Variants in CACNA2D1 observed in about 807,000 individuals in gnomAD.
CACNA2D1 encodes voltage-dependent calcium channel subunit alpha-2/delta-1.
Under a neutral mutation model 171.5 loss-of-function variants are expected in CACNA2D1, and 53 were observed. The observed-to-expected ratio is 0.31, with a 90% CI of 0.25 to 0.39. The LOEUF is 0.39. Among genes scored for constraint, CACNA2D1 ranks in the 10% least tolerant of loss-of-function variants. CACNA2D1 has a pLI of 1.00. For missense variants in CACNA2D1, 903 were observed against 1,299.8 expected, an observed-to-expected ratio of 0.69 and a Z score of 4.69; for synonymous variants, 442 against 443.1, an observed-to-expected ratio of 1.00 and a Z score of 0.03.
intron 2 of CACNA2D1, among the ~76,000 whole-genome samples, chr7:82,339,750 T>C (rs1818394772): frequency 6.6e-6 from 1 of 152,212 alleles, no homozygotes; most frequent in Admixed American, 6.5e-5. Context: ...TCAGATCTAC[T>C]GAGCAATAGA....
chr7:82,263,666 G>A (rs887587197), intron 3 of CACNA2D1, among the ~76,000 whole-genome samples: 5 of 152,218 alleles, frequency 3.3e-5, no homozygotes, highest in East Asian at 3.9e-4. Context: ...TGAAAATAAA[G>A]GTATAGATAT....
rs1804942202 is a variant in CACNA2D1, at chr7:82,246,530, T to G, written c.295-75921A>C. On this transcript the variant is annotated intron_variant, in intron 3 of 38. Transcript: ENST00000356860. Reference sequence around the variant, plus strand: ...GCATAAATGGGACAAAGCCTCTTCTTTAAGCCCTGTCTGATCTGTGAGTGT... The same window carrying G: ...GCATAAATGGGACAAAGCCTCTTCTGTAAGCCCTGTCTGATCTGTGAGTGT... Among the ~76,000 whole-genome samples, 5 of 152,158 alleles carry G rather than the reference T, an allele frequency of 3.3e-5. No homozygotes were observed. The South Asian group carries it at 1.0e-3, about 32-fold the overall frequency.
chr7:81,951,230 C>T (rs904090593), intron 38 of CACNA2D1, among the ~76,000 whole-genome samples: 1 of 152,006 alleles, frequency 6.6e-6, no homozygotes, highest in African/African-American at 2.4e-5. Flanking sequence ...TCATTTAGTT[C>T]CCTCTTAATG....
At chr7:81,995,565 G>A (rs760488140) in intron 19 of CACNA2D1, among the ~76,000 whole-genome samples, 10 of 152,052 alleles carry the variant, frequency 6.6e-5, no homozygotes, top group South Asian at 2.1e-4. Flanking sequence ...TTGGGAGGCC[G>A]AGGCGGACAA....
chr7:82,287,374 G>T (rs1810933892), intron 3 of CACNA2D1, among the ~76,000 whole-genome samples: 1 of 151,920 alleles, frequency 6.6e-6, no homozygotes, highest in Non-Finnish European at 1.5e-5. Flanking sequence ...TGGCCTCAAG[G>T]ATGGATGTTA....
In CACNA2D1 at chr7:81,959,329, A is replaced by C; in HGVS notation, c.3105T>G (p.Val1035=). Residue 1035 remains valine (V), a synonymous_variant, in exon 38 of 39, where the codon GTT becomes GTG. Coordinates refer to ENST00000356860, the MANE Select transcript of CACNA2D1 (RefSeq NM_000722.4). ...TSDGPNPCDM[V]KQPRYRKGPD... is the part of the protein sequence containing the mutation. ...GCCCTTTTCGGTATCTGGGTTGCTT[A>C]ACCATGTCACAAGGATTTGGACCGT... The C allele has an allele frequency of 6.2e-7, 1 of 1,611,558 alleles. No individual in the cohort carries two copies. The highest frequency in any genetic ancestry group is 2.2e-5 in the East Asian group (1 of 44,810).
chr7:82,016,640 CTTTA>C (rs1800517145), intron 12 of CACNA2D1, among the ~76,000 whole-genome samples: 6 of 125,412 alleles, frequency 4.8e-5, no homozygotes, highest in Admixed American at 3.8e-4. Flanking sequence ...AAGCTTGTTG[CTTTA>C]TTTATTTTGC....
chr7:82,339,742 A>C (rs1276754596), intron 2 of CACNA2D1, among the ~76,000 whole-genome samples: 2 of 152,192 alleles, frequency 1.3e-5, no homozygotes, highest in African/African-American at 4.8e-5. Context: ...AACAGTATTC[A>C]GATCTACTGA....
intron 6 of CACNA2D1, among the ~76,000 whole-genome samples, chr7:82,098,798 A>C (rs907615740): frequency 1.3e-5 from 2 of 152,160 alleles, no homozygotes; most frequent in African/African-American, 4.8e-5. Flanking sequence ...CTGCATCAGA[A>C]CTCAATGCAT....
At chr7:82,349,679 T>C in intron 1 of CACNA2D1, 30 bp from the exon 2 acceptor site, 2 of 1,526,938 alleles carry the variant, frequency 1.3e-6, no homozygotes, top group South Asian at 2.2e-5. Context: ...TTATGTTCTA[T>C]CAGATCTCTG....
chr7:82,170,732 T>C (rs968369000), intron 3 of CACNA2D1, 123 bp from the exon 4 acceptor site: 4 of 854,294 alleles, frequency 4.7e-6, no homozygotes, highest in Non-Finnish European at 5.9e-6. Context: ...TCCTTATTTA[T>C]GATTCATAAA....
chr7:82,031,433 T>G (rs1802685560), intron 12 of CACNA2D1, among the ~76,000 whole-genome samples: 1 of 151,952 alleles, frequency 6.6e-6, no homozygotes, highest in East Asian at 1.9e-4. Context: ...TTGAAAATAT[T>G]CACAATCTAT....
chr7:82,006,406 G>A (rs1295533215), intron 16 of CACNA2D1, among the ~76,000 whole-genome samples: 1 of 152,028 alleles, frequency 6.6e-6, no homozygotes, highest in Admixed American at 6.6e-5. Flanking sequence ...AGGCATCATA[G>A]TTTTAGGTGC....
chr7:82,214,325 T>C (rs1198599960), intron 3 of CACNA2D1, among the ~76,000 whole-genome samples: 2 of 152,194 alleles, frequency 1.3e-5, no homozygotes, highest in Non-Finnish European at 2.9e-5. Flanking sequence ...AGTGCTCTTC[T>C]ATGTATGATA....
At chr7:82,344,592 C>T (rs1819034009) in intron 2 of CACNA2D1, among the ~76,000 whole-genome samples, 1 of 152,084 alleles carries the variant, frequency 6.6e-6, no homozygotes, top group South Asian at 2.1e-4. Flanking sequence ...ACAAAAATAG[C>T]TTCTTACTTA....
intron 3 of CACNA2D1, among the ~76,000 whole-genome samples, chr7:82,297,125 T>C (rs911052681): frequency 4.3e-5 from 6 of 139,824 alleles, no homozygotes; most frequent in Admixed American, 1.5e-4. Context: ...CACACATCTA[T>C]AGCCCCAGCT....
At chr7:82,015,114 C>T (rs1053232039) in intron 12 of CACNA2D1, among the ~76,000 whole-genome samples, 2 of 152,172 alleles carry the variant, frequency 1.3e-5, no homozygotes, top group Non-Finnish European at 2.9e-5. Flanking sequence ...TCCAACCTCA[C>T]TTCACCTGTC....
intron 3 of CACNA2D1, among the ~76,000 whole-genome samples, chr7:82,244,632 A>G (rs928342045): frequency 2.6e-5 from 4 of 152,220 alleles, no homozygotes; most frequent in Non-Finnish European, 5.9e-5. Context: ...AAGCAAGGGG[A>G]AAAAAAGCAA....
intron 23 of CACNA2D1, among the ~76,000 whole-genome samples, chr7:81,983,073 G>C (rs986648492): frequency 6.6e-6 from 1 of 152,130 alleles, no homozygotes; most frequent in African/African-American, 2.4e-5. Context: ...GAATTAGTAA[G>C]TGGAAGGATA....
Sources: allele counts gnomAD v4.1 joint callset (sites outside exome capture counted in the v4.1 genomes callset), GRCh38; gene constraint gnomAD v4.1.1; transcripts MANE v1.5; gene names NCBI Gene and HGNC (gene_info 2026-07-23, HGNC 2026-07-21).